The following RALYL variants were observed in gnomAD, a reference collection of about 807,000 sequenced individuals.
The protein encoded by RALYL is RALY RNA binding protein like.
A neutral mutation model predicts 35.1 loss-of-function variants in RALYL; 29 were observed. The ratio of observed to expected loss-of-function variants is 0.83; its 90% CI spans 0.61 to 1.13. RALYL has a LOEUF of 1.13. Ranked by LOEUF, RALYL falls within the 50% of genes most tolerant of loss-of-function variation. RALYL has a pLI of 0.00. For missense variants in RALYL, 359 were observed against 360.4 expected, an observed-to-expected ratio of 1.00 and a Z score of 0.03; for synonymous variants, 120 against 127.6, an observed-to-expected ratio of 0.94 and a Z score of 0.40.
intron 2 of RALYL, among the ~76,000 whole-genome samples, chr8:84,749,407 T>C (rs1809417931): frequency 6.6e-6 from 1 of 152,192 alleles, no homozygotes; most frequent in Non-Finnish European, 1.5e-5. Flanking sequence ...AGTCTAGTAT[T>C]CATTTGTTTC....
chr8:84,473,566 T>A (rs948618690), intron 1 of RALYL, among the ~76,000 whole-genome samples: 2 of 151,806 alleles, frequency 1.3e-5, no homozygotes, highest in African/African-American at 4.8e-5. Flanking sequence ...TCTTTCACTT[T>A]ATTTAAGCTT....
chr8:84,384,449 C>T (rs1412242114), intron 1 of RALYL, among the ~76,000 whole-genome samples: 1 of 151,758 alleles, frequency 6.6e-6, no homozygotes, highest in Non-Finnish European at 1.5e-5. Flanking sequence ...TAATCAACGA[C>T]AAATGCATTT....
intron 4 of RALYL, among the ~76,000 whole-genome samples, chr8:84,818,178 T>A (rs1827782219): frequency 1.3e-5 from 2 of 152,018 alleles, no homozygotes; most frequent in African/African-American, 4.8e-5. Flanking sequence ...GGAAGACAAT[T>A]CCAGGCTGTA....
chr8:84,508,960 A>G (rs1438739809), intron 1 of RALYL, among the ~76,000 whole-genome samples: 2 of 152,272 alleles, frequency 1.3e-5, no homozygotes, highest in Non-Finnish European at 2.9e-5. Context: ...GAACATAATG[A>G]CTGTTTCTTG....
chr8:84,345,364 C>T (rs1563766636), intron 1 of RALYL, among the ~76,000 whole-genome samples: 1 of 152,046 alleles, frequency 6.6e-6, no homozygotes. Context: ...TATTACCCTC[C>T]CCTCACAAAG....
chr8:84,582,187 G>C (rs991348711), intron 2 of RALYL, among the ~76,000 whole-genome samples: 1 of 151,964 alleles, frequency 6.6e-6, no homozygotes, highest in South Asian at 2.1e-4. Flanking sequence ...ATATATTCAA[G>C]TCCTTCCTAA....
chr8:84,563,778 G>A (rs1006427150), intron 2 of RALYL, among the ~76,000 whole-genome samples: 1 of 151,646 alleles, frequency 6.6e-6, no homozygotes, highest in African/African-American at 2.4e-5. Context: ...TTGGTTACAT[G>A]ATTCTATATG....
At chr8:84,622,584 A>G (rs965282654) in intron 2 of RALYL, among the ~76,000 whole-genome samples, 4 of 152,200 alleles carry the variant, frequency 2.6e-5, no homozygotes, top group Non-Finnish European at 4.4e-5. Flanking sequence ...ACAACGCTCC[A>G]CAGAGTCGAG....
chr8:84,395,758 A>C (rs1861632273), intron 1 of RALYL, among the ~76,000 whole-genome samples: 1 of 151,924 alleles, frequency 6.6e-6, no homozygotes, highest in South Asian at 2.1e-4. Context: ...CTCTTTTTTG[A>C]AATAGATTGT....
At chr8:84,804,710 C>A in intron 3 of RALYL, 60 bp from the exon 4 acceptor site, 1 of 890,802 alleles carries the variant, frequency 1.1e-6, no homozygotes, top group Non-Finnish European at 1.5e-6. Flanking sequence ...CATGTAAAAG[C>A]AATTTTTGAA....
intron 4 of RALYL, chr8:84,828,764 C>CTCTT (rs1231882628): frequency 6.1e-6 from 1 of 162,632 alleles, no homozygotes; most frequent in African/African-American, 2.4e-5. Context: ...ACAACATCTA[C>CTCTT]TCTTTCTCTC....
chr8:84,559,672 A>T (rs1261784140), intron 2 of RALYL, among the ~76,000 whole-genome samples: 1 of 152,128 alleles, frequency 6.6e-6, no homozygotes, highest in African/African-American at 2.4e-5. Flanking sequence ...GTAAGCAAAG[A>T]TCTGGCTTGT....
chr8:84,645,465 C>T (rs955449753), intron 2 of RALYL, among the ~76,000 whole-genome samples: 4 of 151,856 alleles, frequency 2.6e-5, no homozygotes, highest in African/African-American at 9.7e-5. Flanking sequence ...TCTTTCAAAT[C>T]CTATCTAAGA....
intron 1 of RALYL, among the ~76,000 whole-genome samples, chr8:84,515,276 T>C (rs2057967119): frequency 6.6e-6 from 1 of 152,164 alleles, no homozygotes; most frequent in Non-Finnish European, 1.5e-5. Flanking sequence ...ATGAAGGGAA[T>C]CACTCCCTGT....
At chr8:84,597,484 T>C (rs1422807412) in intron 2 of RALYL, among the ~76,000 whole-genome samples, 1 of 152,130 alleles carries the variant, frequency 6.6e-6, no homozygotes, top group Non-Finnish European at 1.5e-5. Flanking sequence ...AGTCCTATAC[T>C]GACTGACTGA....
intron 2 of RALYL, among the ~76,000 whole-genome samples, chr8:84,597,205 C>T (rs1814768339): frequency 6.6e-6 from 1 of 152,056 alleles, no homozygotes; most frequent in Admixed American, 6.6e-5. Flanking sequence ...AGTCCTTTAT[C>T]ACCGTGGCGC....
intron 2 of RALYL, among the ~76,000 whole-genome samples, chr8:84,688,537 A>AT (rs1837317930): frequency 6.6e-6 from 1 of 152,128 alleles, no homozygotes; most frequent in African/African-American, 2.4e-5. Flanking sequence ...GAAGAAAAAA[A>AT]CTTGATTCTT....
At chr8:84,587,849 T>G (rs2130433809) in intron 2 of RALYL, among the ~76,000 whole-genome samples, 1 of 152,214 alleles carries the variant, frequency 6.6e-6, no homozygotes, top group East Asian at 1.9e-4. Flanking sequence ...AATAACTGAG[T>G]ACATGATGAC....
intron 2 of RALYL, among the ~76,000 whole-genome samples, chr8:84,670,622 A>C (rs1234246471): frequency 1.3e-5 from 2 of 152,198 alleles, no homozygotes; most frequent in Non-Finnish European, 2.9e-5. Context: ...TATGTTTTAC[A>C]TGGCAGCAGG....
Sources: gnomAD v4.1 joint callset for allele counts (sites outside exome capture counted in the v4.1 genomes callset) on GRCh38, gnomAD v4.1.1 for gene constraint, MANE v1.5 for transcripts, NCBI Gene and HGNC (gene_info 2026-07-23, HGNC 2026-07-21) for gene names.